DLG1: variants seen among roughly 807,000 people sequenced by gnomAD.
DLG1 encodes the protein disks large homolog 1.
A neutral mutation model predicts 123.4 loss-of-function variants in DLG1; 42 were observed. That is an observed-to-expected ratio of 0.34 (90% CI 0.27 to 0.44). DLG1 has a LOEUF of 0.44. Ranked by LOEUF, DLG1 falls within the 20% of genes least tolerant of loss-of-function variation. DLG1 has a pLI of 1.00. For missense variants in DLG1, 942 were observed against 1,082.6 expected (o/e 0.87, Z 1.82); for synonymous variants, 317 against 356.2 (o/e 0.89, Z 1.24).
intron 4 of DLG1, among the ~76,000 whole-genome samples, chr3:197,249,035 A>G (rs992419632): frequency 6.6e-5 from 10 of 152,246 alleles, no homozygotes; most frequent in Non-Finnish European, 1.0e-4. Flanking sequence ...TGAAGGAACC[A>G]GAAAAGCAAG....
intron 4 of DLG1, among the ~76,000 whole-genome samples, chr3:197,268,474 C>T (rs1481314010): frequency 6.6e-6 from 1 of 151,968 alleles, no homozygotes; most frequent in African/African-American, 2.4e-5. Flanking sequence ...GGCTGGAATG[C>T]AGTGGACTGA....
At chr3:197,288,244 A>T (rs1039799965) in intron 3 of DLG1, among the ~76,000 whole-genome samples, 5 of 151,468 alleles carry the variant, frequency 3.3e-5, no homozygotes, top group African/African-American at 1.2e-4. Flanking sequence ...CACGCCTGTA[A>T]TCCCAGCTAC....
chr3:197,130,390 T>A, intron 11 of DLG1, 137 bp downstream of exon 11: 1 of 736,554 alleles, frequency 1.4e-6, no homozygotes, highest in South Asian at 5.7e-5. Flanking sequence ...AAAAAATGAG[T>A]AGATTAACAT....
chr3:197,051,112 C>T (rs894028865), intron 24 of DLG1, among the ~76,000 whole-genome samples: 4 of 152,046 alleles, frequency 2.6e-5, no homozygotes, highest in African/African-American at 4.8e-5. Context: ...GGTGGCTCAC[C>T]GCTGTAATCC....
intron 4 of DLG1, among the ~76,000 whole-genome samples, chr3:197,195,742 A>G (rs752875631): frequency 6.6e-6 from 1 of 152,056 alleles, no homozygotes. Flanking sequence ...GGGGAGGTAG[A>G]AGGGGGTGTG....
intron 22 of DLG1, among the ~76,000 whole-genome samples, chr3:197,062,264 C>A (rs932718309): frequency 2.6e-5 from 4 of 152,100 alleles, no homozygotes; most frequent in South Asian, 2.1e-4. Flanking sequence ...ATCCAACATG[C>A]CTGTTTTATA....
chr3:197,054,416 C>T (rs1406034566), intron 23 of DLG1, among the ~76,000 whole-genome samples: 13 of 147,066 alleles, frequency 8.8e-5, no homozygotes, highest in Admixed American at 7.7e-4. Context: ...GCTCTGTTCA[C>T]TTTTCTTCAG....
In DLG1 at chr3:197,218,862, T is replaced by C. The variant is rs1054959357; in HGVS notation, c.319-24273A>G. 2.0e-5 allele frequency among the ~76,000 whole-genome samples: 3 copies of C among 152,248 alleles called. No individual in the cohort carries two copies. In the South Asian group the frequency reaches 6.2e-4, roughly 31 times the overall value. Reference sequence around the variant, plus strand: ...GAAATTAAAACTCGGCCGGGTGCGATGGCTCACGCCTGTAAGCCCAGCACT... The same window carrying C: ...GAAATTAAAACTCGGCCGGGTGCGACGGCTCACGCCTGTAAGCCCAGCACT... On this transcript the variant is annotated intron_variant, in intron 4 of 24. Coordinates refer to ENST00000667157, the MANE Select transcript of DLG1 (RefSeq NM_001366207.1).
chr3:197,294,830 T>C (rs1776620856), intron 3 of DLG1, among the ~76,000 whole-genome samples: 1 of 152,102 alleles, frequency 6.6e-6, no homozygotes, highest in African/African-American at 2.4e-5. Flanking sequence ...GTTATTTCAC[T>C]AACGATTTAA....
At chr3:197,050,421 C>CA (rs1426140866) in intron 24 of DLG1, among the ~76,000 whole-genome samples, 1 of 150,840 alleles carries the variant, frequency 6.6e-6, no homozygotes, top group Admixed American at 6.6e-5. Flanking sequence ...CAAACAACAA[C>CA]AAATATATAT....
intron 4 of DLG1, among the ~76,000 whole-genome samples, chr3:197,268,938 C>A (rs746036816): frequency 4.9e-4 from 75 of 151,990 alleles, no homozygotes; most frequent in Non-Finnish European, 9.7e-4. Context: ...CTACCCAAGG[C>A]CAGAATCATC....
At chr3:197,236,682 G>A (rs1334387178) in intron 4 of DLG1, among the ~76,000 whole-genome samples, 1 of 152,160 alleles carries the variant, frequency 6.6e-6, no homozygotes, top group African/African-American at 2.4e-5. Context: ...AGCTACAGCT[G>A]CAGAACCAAA....
chr3:197,294,715 G>A (rs1181543289), intron 3 of DLG1, among the ~76,000 whole-genome samples: 2 of 150,096 alleles, frequency 1.3e-5, no homozygotes, highest in African/African-American at 4.9e-5. Flanking sequence ...TCAATTGTAC[G>A]TAAGAATAGA....
At position 197,069,213 on chromosome 3, in the gene DLG1, A is replaced by C; in HGVS notation, c.2047+6T>G. On this transcript the variant is annotated splice_donor_region_variant and intron_variant, in intron 19 of 24. Transcript: ENST00000667157. ...TACAAAAGAACAAGTAACTTAAAACACTTACGGTAACTACTTTCACTATCG... is the reference window on the plus strand; with the variant it reads ...TACAAAAGAACAAGTAACTTAAAACCCTTACGGTAACTACTTTCACTATCG... The C allele has an allele frequency of 6.3e-7, 1 of 1,586,472 alleles. No individual in the cohort carries two copies. Among genetic ancestry groups the C allele is most frequent in the Non-Finnish European group, 8.6e-7 (1 of 1,164,776 alleles).
chr3:197,064,892 A>G (rs1738520192), intron 22 of DLG1, among the ~76,000 whole-genome samples: 1 of 151,594 alleles, frequency 6.6e-6, no homozygotes, highest in South Asian at 2.1e-4. Flanking sequence ...CTGCAGCCTC[A>G]AACTCCCAGG....
chr3:197,169,559 C>T (rs191675532), intron 5 of DLG1, among the ~76,000 whole-genome samples: 8 of 152,202 alleles, frequency 5.3e-5, no homozygotes, highest in Admixed American at 5.2e-4. Flanking sequence ...AAAAGAGTTG[C>T]AAGGCTATCT....
chr3:197,283,875 TTTTTG>T, intron 3 of DLG1, among the ~76,000 whole-genome samples: 1 of 150,032 alleles, frequency 6.7e-6, no homozygotes, highest in African/African-American at 2.5e-5. Context: ...TTTTTTTTTT[TTTTTG>T]AGACAGAGTC....
Position 197,127,832 on chromosome 3 carries a change from T to A in DLG1, c.1165+2695A>T, listed in dbSNP as rs1780553476. ...TTGGTTTCCCAGTGCATGTACAAGT[T>A]ATGTTTACACTATATTAAGTAAGGA... On this transcript the variant is annotated intron_variant, in intron 11 of 24. Transcript: ENST00000667157. Among the ~76,000 whole-genome samples the A allele has an allele frequency of 2.6e-5, 4 of 152,102 alleles. No homozygotes were observed. The South Asian group carries it at 6.2e-4, about 24-fold the overall frequency.
At position 197,296,362 on chromosome 3, in the gene DLG1, G is replaced by A; in HGVS notation, c.135C>T (p.Leu45=). 2 of 1,613,576 alleles carry A rather than the reference G, an allele frequency of 1.2e-6. No homozygotes were observed. Among genetic ancestry groups the A allele is most frequent in the South Asian group, 1.1e-5 (1 of 91,048 alleles). Residue 45 remains leucine, a synonymous_variant, in exon 3 of 25, where the codon CTC becomes CTT. Transcript: ENST00000667157. ...ERVINIFQSN[L]FQALIDIQEF... is the part of the protein sequence containing the mutation. ...AATTCCCACCTATTAAAGCCTGAAA[G>A]AGGTTGCTCTGAAATATGTTAATAA...
Sources: allele counts gnomAD v4.1 joint callset (sites outside exome capture counted in the v4.1 genomes callset), GRCh38; gene constraint gnomAD v4.1.1; transcripts MANE v1.5; gene names NCBI Gene and HGNC (gene_info 2026-07-23, HGNC 2026-07-21).